Variants in COL4A3 observed in about 807,000 individuals in gnomAD.
COL4A3 encodes collagen type IV alpha 3 chain.
A neutral mutation model predicts 217.4 loss-of-function variants in COL4A3; 135 were observed. The observed-to-expected ratio is 0.62, with a 90% confidence interval of 0.54 to 0.72. The LOEUF (loss-of-function observed/expected upper bound fraction) is 0.72, where lower values mean the gene tolerates loss of function less well. COL4A3 is among the 30% of genes least tolerant of loss of function. COL4A3 has a pLI of 0.00. For synonymous variants in COL4A3, 690 were observed against 736.3 expected, an observed-to-expected ratio of 0.94 and a Z score of 1.02; for missense variants, 1,868 against 2,119.9, an observed-to-expected ratio of 0.88 and a Z score of 2.33.
At chr2:227,278,897 G>T (rs142935016) in intron 28 of COL4A3, among the ~76,000 whole-genome samples, 1 of 152,086 alleles carries the variant, frequency 6.6e-6, no homozygotes, top group African/African-American at 2.4e-5. Flanking sequence ...GCTTCACCGT[G>T]GCTTCCTCTT....
At chr2:227,256,793 T>C (rs1462753379) in intron 17 of COL4A3, among the ~76,000 whole-genome samples, 1 of 152,244 alleles carries the variant, frequency 6.6e-6, no homozygotes, top group African/African-American at 2.4e-5. Flanking sequence ...TGAACTGTAT[T>C]CTGCCCTTCT....
intron 50 of COL4A3, among the ~76,000 whole-genome samples, chr2:227,309,633 GCT>G (rs1559924020): frequency 6.6e-6 from 1 of 151,802 alleles, no homozygotes; most frequent in South Asian, 2.1e-4. Context: ...ACAGATTCTC[GCT>G]CTGTCACCCA....
chr2:227,175,450 G>A (rs1373510627), intron 1 of COL4A3, among the ~76,000 whole-genome samples: 1 of 152,088 alleles, frequency 6.6e-6, no homozygotes, highest in Non-Finnish European at 1.5e-5. Context: ...TAGCCTAGGT[G>A]ACAGAGCAAG....
chr2:227,231,569 G>A (rs917969582), intron 1 of COL4A3, among the ~76,000 whole-genome samples: 4 of 151,996 alleles, frequency 2.6e-5, no homozygotes, highest in African/African-American at 7.3e-5. Context: ...TGCCCAGGCT[G>A]GAGTGCAATG....
At chr2:227,268,704 G>T (rs2071066864) in intron 23 of COL4A3, 1 of 152,214 alleles carries the variant, frequency 6.6e-6, no homozygotes, top group Non-Finnish European at 1.5e-5. Context: ...GGAAGGGGCA[G>T]GGGGGAGGTA....
At position 227,273,023 on chromosome 2, in the gene COL4A3, A is replaced by T; in HGVS notation, c.1833A>T (p.Gly611=). ...CCCCTGGGTCCCCAGGACCTGCAGGACCAGCTGGACCACCTGGCTACGGAC... is the reference window on the plus strand; with the variant it reads ...CCCCTGGGTCCCCAGGACCTGCAGGTCCAGCTGGACCACCTGGCTACGGAC... ...PGSPGSPGPA[G]PAGPPGYGPQ... Residue 611 remains glycine (G), a synonymous_variant, in exon 26 of 52, where the codon GGA becomes GGT. Transcript: ENST00000396578. The T allele has an allele frequency of 6.2e-7, 1 of 1,614,046 alleles. No homozygotes were observed.
At chr2:227,308,869 A>AGT (rs1397180911) in intron 48 of COL4A3, 30 bp from the exon 49 acceptor site, 1 of 1,609,410 alleles carries the variant, frequency 6.2e-7, no homozygotes, top group African/African-American at 1.3e-5. Context: ...TAACTTACTG[A>AGT]AAGTGATACT....
chr2:227,227,368 G>A (rs1404669362), intron 1 of COL4A3, among the ~76,000 whole-genome samples: 1 of 152,076 alleles, frequency 6.6e-6, no homozygotes, highest in African/African-American at 2.4e-5. Flanking sequence ...AGGCCGAGGT[G>A]GGTGGATCAC....
In COL4A3 at chr2:227,256,390, C is replaced by T. The variant is rs1375242651; in HGVS notation, c.981C>T (p.Gly327=). The change falls in exon 17 of 52, where the codon GGC becomes GGT. Residue 327 remains glycine, a synonymous_variant. Transcript: ENST00000396578. ...RGFPGLMGED[G]IKGQKGDIGP... ...TCCCTGGGTTAATGGGTGAAGATGGCATTAAGGTAATCCTCTCCCTAATAG... is the reference window on the plus strand; with the variant it reads ...TCCCTGGGTTAATGGGTGAAGATGGTATTAAGGTAATCCTCTCCCTAATAG... 3 of 1,612,866 alleles carry T rather than the reference C, an allele frequency of 1.9e-6. No individual in the cohort carries two copies. The highest frequency in any genetic ancestry group is 1.1e-5 in the South Asian group (1 of 91,044).
chr2:227,195,391 A>G (rs1190192713), intron 1 of COL4A3, among the ~76,000 whole-genome samples: 1 of 152,168 alleles, frequency 6.6e-6, no homozygotes, highest in Non-Finnish European at 1.5e-5. Context: ...CACACCCCAC[A>G]TGTACAATGG....
At chr2:227,285,569 A>G (rs1316184650) in intron 34 of COL4A3, among the ~76,000 whole-genome samples, 1 of 152,156 alleles carries the variant, frequency 6.6e-6, no homozygotes, top group Non-Finnish European at 1.5e-5. Context: ...AACTGTCTGC[A>G]TAGACACCAC....
intron 1 of COL4A3, among the ~76,000 whole-genome samples, chr2:227,176,588 C>T (rs1426611612): frequency 6.6e-6 from 1 of 152,192 alleles, no homozygotes; most frequent in Non-Finnish European, 1.5e-5. Flanking sequence ...TCTCTCCAAA[C>T]TGGTTTCTTA....
intron 34 of COL4A3, among the ~76,000 whole-genome samples, chr2:227,288,317 G>A (rs745359920): frequency 1.7e-4 from 26 of 152,090 alleles, no homozygotes; most frequent in Non-Finnish European, 3.1e-4. Context: ...GGCTGGTCTC[G>A]AACTCCTGAC....
intron 47 of COL4A3, among the ~76,000 whole-genome samples, chr2:227,306,781 T>C (rs570787674): frequency 6.6e-6 from 1 of 152,172 alleles, no homozygotes; most frequent in Non-Finnish European, 1.5e-5. Flanking sequence ...CAAAACTAAT[T>C]CCTGTGATGA....
intron 1 of COL4A3, among the ~76,000 whole-genome samples, chr2:227,204,506 C>T (rs2067025502): frequency 6.6e-6 from 1 of 152,168 alleles, no homozygotes; most frequent in Non-Finnish European, 1.5e-5. Flanking sequence ...TTAGACTCCA[C>T]CATATACGAA....
intron 1 of COL4A3, among the ~76,000 whole-genome samples, chr2:227,172,578 CTTCTTTTTTTTTTTTTT>C (rs1370883006): frequency 8.6e-6 from 1 of 116,788 alleles, no homozygotes; most frequent in Non-Finnish European, 1.7e-5. Flanking sequence ...TCTTCGTCTT[CTTCTTTTTTTTTTTTTT>C]TTTTTTTTTT....
At chr2:227,229,909 G>A (rs548589023) in intron 1 of COL4A3, among the ~76,000 whole-genome samples, 1 of 152,162 alleles carries the variant, frequency 6.6e-6, no homozygotes, top group Non-Finnish European at 1.5e-5. Flanking sequence ...AAATTAGCTG[G>A]GCGTGGTGGT....
chr2:227,213,185 G>A lies in COL4A3; in HGVS notation c.88-24783G>A, dbSNP rs188483176. ...TTAGGATGCCTTAAATAGCTGAAGC[G>A]TAGGCTGAAACATAAACTGGAATTA... On this transcript the variant is annotated intron_variant, in intron 1 of 51. Transcript: ENST00000396578. Among the ~76,000 whole-genome samples, 402 of 152,254 alleles carry A rather than the reference G, an allele frequency of 2.6e-3. 1 individual carries two copies. The highest frequency in any genetic ancestry group is 3.6e-3 in the Non-Finnish European group (246 of 68,016).
chr2:227,237,947 T>C (rs2068789275), intron 1 of COL4A3, 21 bp from the exon 2 acceptor site: 1 of 1,594,890 alleles, frequency 6.3e-7, no homozygotes. Context: ...AACAAAACCC[T>C]TTCTCTTTCC....
Sources: gnomAD v4.1 joint callset for allele counts (sites outside exome capture counted in the v4.1 genomes callset) on GRCh38, gnomAD v4.1.1 for gene constraint, MANE v1.5 for transcripts, NCBI Gene and HGNC (gene_info 2026-07-23, HGNC 2026-07-21) for gene names.